The following PLCL2 variants were observed in gnomAD, a reference collection of about 807,000 sequenced individuals.
PLCL2 encodes the protein phospholipase C like 2, also known as inactive phospholipase C-like protein 2.
PLCL2 carries 4 observed loss-of-function variants against 79.6 expected under a neutral mutation model. The observed-to-expected ratio is 0.05, with a 90% CI of 0.02 to 0.11. The LOEUF (loss-of-function observed/expected upper bound fraction) is 0.11, where lower values mean the gene tolerates loss of function less well. Ranked by LOEUF, PLCL2 falls within the 10% of genes least tolerant of loss-of-function variation. The pLI is 1.00. For synonymous variants in PLCL2, 484 were observed against 457.7 expected (o/e 1.06, Z -0.73); for missense variants, 895 against 1,291.0 (o/e 0.69, Z 4.70).
chr3:16,965,694 C>T (rs1288797110), intron 1 of PLCL2, among the ~76,000 whole-genome samples: 2 of 151,948 alleles, frequency 1.3e-5, no homozygotes, highest in Admixed American at 6.6e-5. Context: ...TCTTTTATTT[C>T]GTTGAGCAGT....
At chr3:16,894,602 C>T (rs1341621138) in intron 1 of PLCL2, among the ~76,000 whole-genome samples, 2 of 152,130 alleles carry the variant, frequency 1.3e-5, no homozygotes, top group African/African-American at 4.8e-5. Flanking sequence ...TTGGTATTAT[C>T]AGTGTTTCTT....
rs2064366820 is a variant in PLCL2 at position 17,014,824 on chromosome 3, C to T, written c.2931C>T (p.Val977=). The change falls in exon 3 of 6, where the codon GTC becomes GTT. Residue 977 remains valine (V), a synonymous_variant. Transcript: ENST00000615277. The part of the protein sequence containing the change: ...FLGPDNTPLV[V]LNLSEQYPTM... ...GGCCCGATAACACACCCCTAGTGGTCCTAAATCTCAGCGAGCAGTACCCCA... is the reference window on the plus strand; with the variant it reads ...GGCCCGATAACACACCCCTAGTGGTTCTAAATCTCAGCGAGCAGTACCCCA... 4 of 1,613,970 alleles carry T rather than the reference C, an allele frequency of 2.5e-6. No homozygotes were observed. Among genetic ancestry groups the T allele is most frequent in the Non-Finnish European group, 3.4e-6 (4 of 1,179,982 alleles).
chr3:17,085,466 G>T (rs1272773523), intron 5 of PLCL2, among the ~76,000 whole-genome samples: 1 of 146,218 alleles, frequency 6.8e-6, no homozygotes, highest in East Asian at 2.0e-4. Context: ...GTCTCACTTT[G>T]TGAGACAGAG....
At chr3:16,980,759 CG>C (rs1167275083) in intron 1 of PLCL2, among the ~76,000 whole-genome samples, 11 of 152,340 alleles carry the variant, frequency 7.2e-5, no homozygotes, top group African/African-American at 2.6e-4. Flanking sequence ...GCTGCAATCT[CG>C]GCACTTTGGG....
At chr3:17,036,152 C>T (rs2064651563) in intron 3 of PLCL2, among the ~76,000 whole-genome samples, 1 of 152,128 alleles carries the variant, frequency 6.6e-6, no homozygotes, top group Non-Finnish European at 1.5e-5. Flanking sequence ...CCTGGATAGG[C>T]ACCAGCTCTC....
Position 17,010,470 on chromosome 3 carries a change from A to G in PLCL2, c.1124A>G (p.His375Arg), listed in dbSNP as rs774972817. ...CTTGAGGCAGAACAGGGTGTGGCACATATAAATGAGGAAATAAGCCTTGAA... is the reference window on the plus strand; with the variant it reads ...CTTGAGGCAGAACAGGGTGTGGCACGTATAAATGAGGAAATAAGCCTTGAA... ...MFLEAEQGVA[H>R]INEEISLEII... Residue 375 changes from histidine to arginine, a missense_variant, in exon 2 of 6, where the codon CAT becomes CGT. Transcript: ENST00000615277. This position sits in a 1 kb window ranked among gnomAD's most constrained non-coding sequence, Gnocchi z 5.8. 6 of 1,614,148 alleles carry G rather than the reference A, an allele frequency of 3.7e-6. No individual in the cohort carries two copies. The South Asian group carries it at 4.4e-5, about 12-fold the overall frequency.
chr3:16,927,233 G>A (rs937174527), intron 1 of PLCL2, among the ~76,000 whole-genome samples: 1 of 152,080 alleles, frequency 6.6e-6, no homozygotes, highest in Non-Finnish European at 1.5e-5. Flanking sequence ...ACAATATGGT[G>A]TAAACTGTCA....
chr3:16,985,311 C>G (rs573342939), intron 1 of PLCL2, among the ~76,000 whole-genome samples: 11 of 152,224 alleles, frequency 7.2e-5, no homozygotes, highest in African/African-American at 2.6e-4. Context: ...CCACTACATG[C>G]TTTTCTAGTA....
intron 1 of PLCL2, among the ~76,000 whole-genome samples, chr3:16,916,827 A>G (rs1262391169): frequency 6.6e-6 from 1 of 152,172 alleles, no homozygotes; most frequent in Non-Finnish European, 1.5e-5. Flanking sequence ...TTGGTATTCA[A>G]GGCTGTATGG....
chr3:17,002,688 C>T (rs2064222723), intron 1 of PLCL2, among the ~76,000 whole-genome samples: 1 of 151,988 alleles, frequency 6.6e-6, no homozygotes, highest in Non-Finnish European at 1.5e-5. Flanking sequence ...TTTTGTTGCC[C>T]TATTATCTCT....
At chr3:17,038,627 A>C (rs1022911283) in intron 3 of PLCL2, among the ~76,000 whole-genome samples, 3 of 152,164 alleles carry the variant, frequency 2.0e-5, no homozygotes, top group African/African-American at 7.2e-5. Context: ...TATAATAATG[A>C]ATTGTAAAAT....
At chr3:16,970,054 A>ATTTTT (rs1255921478) in intron 1 of PLCL2, among the ~76,000 whole-genome samples, 9 of 130,430 alleles carry the variant, frequency 6.9e-5, no homozygotes, top group East Asian at 3.3e-4. Flanking sequence ...ATATATATAT[A>ATTTTT]TATATTTTAT....
chr3:16,942,987 G>A (rs574877852), intron 1 of PLCL2, among the ~76,000 whole-genome samples: 1 of 152,294 alleles, frequency 6.6e-6, no homozygotes, highest in South Asian at 2.1e-4. Flanking sequence ...ATTGTTTGTT[G>A]TCCAGCTAGA....
intron 1 of PLCL2, among the ~76,000 whole-genome samples, chr3:16,920,802 G>T (rs375477995): frequency 1.3e-5 from 2 of 152,140 alleles, no homozygotes; most frequent in South Asian, 2.1e-4. Context: ...CCACTACTAC[G>T]TGAGAATACA....
chr3:16,888,693 T>TTA (rs1418846364), intron 1 of PLCL2, among the ~76,000 whole-genome samples: 1 of 152,248 alleles, frequency 6.6e-6, no homozygotes, highest in East Asian at 1.9e-4. Context: ...ATGGCATCCC[T>TTA]TATTTGCAAA....
chr3:16,986,842 C>T (rs1488761327), intron 1 of PLCL2, among the ~76,000 whole-genome samples: 1 of 152,088 alleles, frequency 6.6e-6, no homozygotes, highest in Non-Finnish European at 1.5e-5. Context: ...ATCAAGCTGA[C>T]GATAGCCCGT....
At chr3:17,072,410 T>C (rs910303291) in intron 5 of PLCL2, among the ~76,000 whole-genome samples, 3 of 152,146 alleles carry the variant, frequency 2.0e-5, no homozygotes, top group African/African-American at 7.2e-5. Context: ...AGCTCACACC[T>C]GTAATCCCAG....
chr3:16,892,092 A>T (rs1696364900), intron 1 of PLCL2, among the ~76,000 whole-genome samples: 1 of 152,222 alleles, frequency 6.6e-6, no homozygotes, highest in African/African-American at 2.4e-5. Flanking sequence ...GTGTGAATGG[A>T]TAAATAAGGG....
intron 4 of PLCL2, among the ~76,000 whole-genome samples, chr3:17,044,901 A>G (rs763452981): frequency 3.3e-5 from 5 of 152,190 alleles, no homozygotes; most frequent in Non-Finnish European, 5.9e-5. Context: ...AATCTTATCT[A>G]TTAGGGATTT....
Sources: allele counts gnomAD v4.1 joint callset (sites outside exome capture counted in the v4.1 genomes callset), GRCh38; gene constraint gnomAD v4.1.1; non-coding constraint Gnocchi (gnomAD v3.1); transcripts MANE v1.5; gene names NCBI Gene and HGNC (gene_info 2026-07-23, HGNC 2026-07-21).